The following FRMD4A variants were observed in gnomAD, a reference collection of about 807,000 sequenced individuals.
FRMD4A encodes the protein FERM domain-containing protein 4A.
In FRMD4A, 29 loss-of-function variants were observed where a neutral mutation model predicts 129.1. That is an observed-to-expected ratio of 0.22 (90% CI 0.17 to 0.31). The LOEUF is 0.31. FRMD4A is among the 10% of genes least tolerant of loss of function. FRMD4A has a pLI of 1.00. For synonymous variants in FRMD4A, 634 were observed against 571.6 expected, an observed-to-expected ratio of 1.11 and a Z score of -1.56; for missense variants, 1,272 against 1,375.8, an observed-to-expected ratio of 0.92 and a Z score of 1.19.
At chr10:13,869,999 T>C (rs71479843) in intron 2 of FRMD4A, among the ~76,000 whole-genome samples, 2 of 152,190 alleles carry the variant, frequency 1.3e-5, no homozygotes, top group African/African-American at 2.4e-5. Context: ...CACTGGATTG[T>C]ATTATTATTA....
chr10:13,911,287 C>T (rs1003991808), intron 2 of FRMD4A, among the ~76,000 whole-genome samples: 1 of 152,148 alleles, frequency 6.6e-6, no homozygotes, highest in Non-Finnish European at 1.5e-5. Flanking sequence ...TAAAGCTCTG[C>T]AAATGAATGC....
chr10:14,152,370 C>T (rs796495676), intron 2 of FRMD4A, among the ~76,000 whole-genome samples: 13 of 152,132 alleles, frequency 8.5e-5, no homozygotes, highest in East Asian at 1.9e-4. Flanking sequence ...CAACGTAATC[C>T]GCCCACCTCA....
At chr10:13,847,340 C>T (rs919306670) in intron 3 of FRMD4A, among the ~76,000 whole-genome samples, 42 of 152,170 alleles carry the variant, frequency 2.8e-4, no homozygotes, top group Admixed American at 6.5e-5. Context: ...CAGGAAGCCA[C>T]AAACAGAGAT....
intron 3 of FRMD4A, among the ~76,000 whole-genome samples, chr10:13,831,616 C>T (rs954676648): frequency 2.6e-5 from 4 of 152,122 alleles, no homozygotes; most frequent in African/African-American, 9.7e-5. Flanking sequence ...CATCATATCT[C>T]CAACTTTCTG....
At chr10:14,167,290 G>T (rs1340804162) in intron 2 of FRMD4A, among the ~76,000 whole-genome samples, 1 of 152,086 alleles carries the variant, frequency 6.6e-6, no homozygotes, top group African/African-American at 2.4e-5. Context: ...CCAGCAGTTT[G>T]GGAGGGTGAG....
At chr10:14,329,933 C>G (rs571281077) in intron 2 of FRMD4A, 125 bp downstream of exon 2, 6 of 857,054 alleles carry the variant, frequency 7.0e-6, no homozygotes, top group East Asian at 2.7e-5. Flanking sequence ...TTCCAAAGAG[C>G]CTGCGGGATA....
chr10:14,292,349 G>A (rs1845875638), intron 2 of FRMD4A, among the ~76,000 whole-genome samples: 1 of 152,198 alleles, frequency 6.6e-6, no homozygotes, highest in South Asian at 2.1e-4. Flanking sequence ...ATGCTTATAT[G>A]GAGATTTGTC....
chr10:14,009,849 G>A (rs981096326), intron 2 of FRMD4A, among the ~76,000 whole-genome samples: 5 of 152,120 alleles, frequency 3.3e-5, no homozygotes, highest in Non-Finnish European at 5.9e-5. Flanking sequence ...CGGCTCACAC[G>A]GCGTCTTTGG....
intron 2 of FRMD4A, among the ~76,000 whole-genome samples, chr10:14,016,665 ACC>A (rs745356358): frequency 6.6e-6 from 1 of 151,904 alleles, no homozygotes; most frequent in Non-Finnish European, 1.5e-5. Context: ...CCAGGTTAAG[ACC>A]CCCTATCCCC....
intron 6 of FRMD4A, among the ~76,000 whole-genome samples, chr10:13,771,929 C>A (rs112970627): frequency 0.025 from 3,838 of 151,242 alleles, 89 homozygotes; most frequent in African/African-American, 0.053. Context: ...GAAACAAAAC[C>A]AAACAAAACA....
At chr10:14,035,811 G>C (rs1833472189) in intron 2 of FRMD4A, among the ~76,000 whole-genome samples, 1 of 152,188 alleles carries the variant, frequency 6.6e-6, no homozygotes, top group African/African-American at 2.4e-5. Context: ...ACACTAGTAA[G>C]CGAATCTCTG....
At chr10:13,783,139 C>G in intron 5 of FRMD4A, 133 bp from the exon 6 acceptor site, 1 of 629,162 alleles carries the variant, frequency 1.6e-6, no homozygotes, top group South Asian at 1.9e-5. Flanking sequence ...AGGCACCATC[C>G]ATGGTTTTTC....
chr10:13,654,267 A>G lies in FRMD4A; in HGVS notation c.3050+149T>C, dbSNP rs561773371. ...AAAAGGAGTAGGCAGAGGTGACAGC[A>G]GATCATGGGGCTTCTCTTGAAAGGA... is the stretch of plus-strand genomic sequence containing the variant. On this transcript the variant is annotated intron_variant, in intron 23 of 24. Transcript: ENST00000357447. 9.9e-5 allele frequency: 66 copies of G among 668,848 alleles called. No individual in the cohort carries two copies. In the South Asian group the frequency reaches 1.1e-3, roughly 11 times the overall value. The allele number at this position is 668,848 out of a possible 1,614,324, so 41.4% of individuals were successfully genotyped here. A position where few individuals can be genotyped will look rare whatever the true frequency, so the allele number is the denominator to read the frequency against.
intron 4 of FRMD4A, among the ~76,000 whole-genome samples, chr10:13,797,350 C>A (rs560383559): frequency 6.6e-6 from 1 of 152,312 alleles, no homozygotes; most frequent in South Asian, 2.1e-4. Context: ...GTTAAACTTA[C>A]CGCCAGGGGC....
chr10:13,949,301 C>CAAA (rs34006963), intron 2 of FRMD4A, among the ~76,000 whole-genome samples: 1,266 of 98,760 alleles, frequency 0.013, 27 homozygotes, highest in African/African-American at 0.054. Context: ...TTCTAGTGAT[C>CAAA]AAAAAAAAAA....
At chr10:13,810,505 T>C (rs1436068867) in intron 4 of FRMD4A, among the ~76,000 whole-genome samples, 1 of 152,154 alleles carries the variant, frequency 6.6e-6, no homozygotes, top group Non-Finnish European at 1.5e-5. Flanking sequence ...TTAACTTAAA[T>C]AGAAAACAAA....
intron 2 of FRMD4A, among the ~76,000 whole-genome samples, chr10:13,895,397 C>T (rs1439600439): frequency 6.6e-6 from 1 of 152,112 alleles, no homozygotes; most frequent in African/African-American, 2.4e-5. Context: ...CATCCATGTC[C>T]CTGCAAAGGA....
chr10:13,698,865 C>T (rs2086498235), intron 14 of FRMD4A, among the ~76,000 whole-genome samples: 1 of 152,148 alleles, frequency 6.6e-6, no homozygotes, highest in African/African-American at 2.4e-5. Context: ...TGTGAGGGCT[C>T]TAGGACATCT....
At chr10:14,101,358 T>A (rs1837289931) in intron 2 of FRMD4A, among the ~76,000 whole-genome samples, 1 of 152,190 alleles carries the variant, frequency 6.6e-6, no homozygotes, top group Admixed American at 6.5e-5. Flanking sequence ...ACTTTTTTCT[T>A]AAAATAATTA....
Sources: allele counts gnomAD v4.1 joint callset (sites outside exome capture counted in the v4.1 genomes callset), GRCh38; gene constraint gnomAD v4.1.1; transcripts MANE v1.5; gene names NCBI Gene and HGNC (gene_info 2026-07-23, HGNC 2026-07-21).